Variants in SAMD14 observed in about 807,000 individuals in gnomAD.
The protein encoded by SAMD14 is sterile alpha motif domain-containing protein 14.
A neutral mutation model predicts 46.2 loss-of-function variants in SAMD14; 27 were observed. The ratio of observed to expected loss-of-function variants is 0.58; its 90% confidence interval spans 0.43 to 0.81. SAMD14 has a LOEUF of 0.81. Among genes scored for constraint, SAMD14 ranks in the 30% least tolerant of loss-of-function variants. The pLI is 0.00. For synonymous variants in SAMD14, 241 were observed against 254.3 expected, an observed-to-expected ratio of 0.95 and a Z score of 0.50; for missense variants, 559 against 582.2, an observed-to-expected ratio of 0.96 and a Z score of 0.41.
chr17:50,125,050 G>A, intron 1 of SAMD14, 79 bp from the exon 2 acceptor site: 2 of 1,334,594 alleles, frequency 1.5e-6, no homozygotes, highest in Non-Finnish European at 2.1e-6. Context: ...GAAGAGATGT[G>A]GAAGGCTACC....
At position 50,112,735 on chromosome 17, in the gene SAMD14, C is replaced by T; in HGVS notation, c.*158G>A. ...GTCTCCCTTTCTGGGGTCTCTGGGT[C>T]TAGACCAAGTGACAGGGTAAGAGAG... On this transcript the variant is annotated 3_prime_UTR_variant, in exon 10 of 10. Transcript: ENST00000330175. The T allele has an allele frequency of 1.2e-6, 1 of 851,672 alleles. No homozygotes were observed. Among genetic ancestry groups the T allele is most frequent in the Non-Finnish European group, 1.8e-6 (1 of 566,802 alleles). The allele number at this position is 851,672 out of a possible 1,614,324, so 52.8% of individuals were successfully genotyped here. A position where few individuals can be genotyped will look rare whatever the true frequency, so the allele number is the denominator to read the frequency against.
rs1567718169 is a variant in SAMD14, at chr17:50,114,273, TG to T, written c.855del (p.Ser286AlafsTer67). 2 of 1,613,852 alleles carry T rather than the reference TG, an allele frequency of 1.2e-6. No homozygotes were observed. The highest frequency in any genetic ancestry group is 1.7e-6 in the Non-Finnish European group (2 of 1,179,986). Reference sequence around the variant, plus strand: ...CCACTGGGGATCTTGGGGCTGCTGCTGGGGGGCGTGGAGTCATCACTCAGAG... The same window carrying T: ...CCACTGGGGATCTTGGGGCTGCTGCTGGGGGCGTGGAGTCATCACTCAGAG... ...ESTLSDDSTP[P>X]SSSPKIPSGP... is the part of the protein sequence containing the mutation. On this transcript the variant is annotated frameshift_variant, in exon 8 of 10. Coordinates refer to ENST00000330175, the MANE Select transcript of SAMD14 (RefSeq NM_001257359.2). LOFTEE classifies it high-confidence loss of function.
Position 50,124,771 on chromosome 17 carries a change from G to GCACGCGCA in SAMD14, c.43+145_43+146insTGCGCGTG, listed in dbSNP as rs1555563138. The GCACGCGCA allele has an allele frequency of 7.0e-6, 4 of 569,596 alleles. No individual in the cohort carries two copies. The East Asian group carries it at 1.0e-4, about 15-fold the overall frequency. 35.3% of individuals were successfully genotyped at this position (569,596 alleles called of 1,614,324 possible). On this transcript the variant is annotated intron_variant, in intron 2 of 9. Coordinates refer to ENST00000330175, the MANE Select transcript of SAMD14 (RefSeq NM_001257359.2). ...TACCTGCACGCGTGCACGCGCGCGCGCACACACACACACACACACACACAC... is the reference window on the plus strand; with the variant it reads ...TACCTGCACGCGTGCACGCGCGCGCGCACGCGCACACACACACACACACACACACACAC...
At chr17:50,113,722 C>G (rs960729952) in intron 9 of SAMD14, 2 of 605,376 alleles carry the variant, frequency 3.3e-6, no homozygotes, top group African/African-American at 1.9e-5. Flanking sequence ...TCAAGTCAAA[C>G]TAGGGATTCA....
intron 2 of SAMD14, among the ~76,000 whole-genome samples, 159 bp downstream of exon 2, chr17:50,124,756 CGT>C (rs375470493): frequency 1.0e-5 from 1 of 98,558 alleles, no homozygotes; most frequent in African/African-American, 4.4e-5. Flanking sequence ...TACCTGCACG[CGT>C]GCACGCGCGC....
intron 2 of SAMD14, among the ~76,000 whole-genome samples, chr17:50,119,761 A>G (rs1352025851): frequency 6.6e-6 from 1 of 152,140 alleles, no homozygotes; most frequent in East Asian, 1.9e-4. Context: ...TCTCAGCCCC[A>G]GACCCAGTTG....
chr17:50,123,360 C>T (rs1258612488), intron 2 of SAMD14, among the ~76,000 whole-genome samples: 2 of 152,318 alleles, frequency 1.3e-5, no homozygotes. Context: ...GACAGGAGGA[C>T]ACCTTTGGCC....
chr17:50,124,761 A>G (rs865865733), intron 2 of SAMD14, among the ~76,000 whole-genome samples, 156 bp downstream of exon 2: 4 of 108,144 alleles, frequency 3.7e-5, no homozygotes, highest in East Asian at 2.5e-4. Context: ...GCACGCGTGC[A>G]CGCGCGCGCG....
chr17:50,116,297 C>T (rs1911195229), intron 4 of SAMD14: 1 of 674,408 alleles, frequency 1.5e-6, no homozygotes, highest in Non-Finnish European at 2.4e-6. Context: ...CATCTACCTG[C>T]TTCATGGGAC....
chr17:50,115,584 G>A lies in SAMD14; in HGVS notation c.802C>T (p.Pro268Ser). Residue 268 changes from proline (P) to serine (S), a missense_variant, in exon 7 of 10, where the codon CCT becomes TCT. Coordinates refer to ENST00000330175, the MANE Select transcript of SAMD14 (RefSeq NM_001257359.2). This position sits in a 1 kb window ranked among gnomAD's most constrained non-coding sequence, Gnocchi z 5.3. ...TCSPKHEGFSPKKSASQESTL... is the reference protein window; with the variant it reads ...TCSPKHEGFSSKKSASQESTL... The stretch of plus-strand genomic sequence containing the variant: ...CTTACCTGGGAAGCTGACTTCTTAG[G>A]GCTGAAGCCCTCGTGTTTAGGGGAG... The A allele has an allele frequency of 1.3e-6, 2 of 1,564,446 alleles. No homozygotes were observed.
intron 2 of SAMD14, among the ~76,000 whole-genome samples, chr17:50,122,363 CATGGACTAGT>C (rs1911541464): frequency 1.3e-5 from 2 of 152,282 alleles, no homozygotes; most frequent in South Asian, 4.1e-4. Context: ...GTCACACTTC[CATGGACTAGT>C]GCATGCTTTG....
chr17:50,128,336 G>A (rs917147325), intron 1 of SAMD14, among the ~76,000 whole-genome samples: 2 of 151,920 alleles, frequency 1.3e-5, no homozygotes, highest in African/African-American at 4.8e-5. Flanking sequence ...AACTTTCTGG[G>A]GTGTGTAGGG....
intron 1 of SAMD14, 141 bp from the exon 2 acceptor site, chr17:50,125,112 C>G: frequency 1.4e-6 from 1 of 713,322 alleles, no homozygotes; most frequent in Non-Finnish European, 2.4e-6. Context: ...TCTTCTGTCC[C>G]CTGGAAGAGA....
intron 2 of SAMD14, among the ~76,000 whole-genome samples, chr17:50,122,759 A>G (rs1381983449): frequency 6.6e-6 from 1 of 152,166 alleles, no homozygotes; most frequent in African/African-American, 2.4e-5. Flanking sequence ...CCGAGGTTGC[A>G]GAAGGAACAA....
rs1023994347 is a variant in SAMD14 at position 50,118,242 on chromosome 17, T to A, written c.129A>T (p.Arg43Ser). 5 of 1,613,822 alleles carry A rather than the reference T, an allele frequency of 3.1e-6. No homozygotes were observed. The highest frequency in any genetic ancestry group is 4.2e-6 in the Non-Finnish European group (5 of 1,179,884). Residue 43 changes from arginine to serine, a missense_variant, in exon 3 of 10, where the codon AGA becomes AGT. By Grantham distance (110) the Arg-to-Ser change is moderately radical. Transcript: ENST00000330175. ...GAAGCCTGGAGCGGGATGGCCGGTGTCTCCGGCCCTTGGCCAACAGTTGGG... is the reference window on the plus strand; with the variant it reads ...GAAGCCTGGAGCGGGATGGCCGGTGACTCCGGCCCTTGGCCAACAGTTGGG... The part of the protein sequence containing the change: ...ARAQLLAKGR[R>S]HRPSRSRLRD...
In SAMD14 at chr17:50,129,031, G is replaced by A. The variant is rs1911910270; in HGVS notation, c.-13+486C>T. On this transcript the variant is annotated intron_variant, in intron 1 of 9. Coordinates refer to ENST00000330175, the MANE Select transcript of SAMD14 (RefSeq NM_001257359.2). This position sits in a 1 kb window ranked among gnomAD's most constrained non-coding sequence, Gnocchi z 5.6. ...TAGCGGTCGGGGAGGCAGTTGTGGA[G>A]CCAGAGAGGTGGTCCCCCCTTCCCA... Among the ~76,000 whole-genome samples, 1 of 152,214 alleles carries A rather than the reference G, an allele frequency of 6.6e-6. No individual in the cohort carries two copies. The highest frequency in any genetic ancestry group is 2.4e-5 in the African/African-American group (1 of 41,456).
At chr17:50,113,860 T>C (rs1911013032) in intron 9 of SAMD14, 64 bp downstream of exon 9, 1 of 1,599,324 alleles carries the variant, frequency 6.3e-7, no homozygotes, top group South Asian at 1.1e-5. Flanking sequence ...GATGAGGGAC[T>C]TCAAATCCTT....
At chr17:50,128,777 T>C (rs1249050966) in intron 1 of SAMD14, among the ~76,000 whole-genome samples, 1 of 151,780 alleles carries the variant, frequency 6.6e-6, no homozygotes, top group African/African-American at 2.4e-5. Context: ...ACACACAAAC[T>C]GGCGGAGAGT....
chr17:50,114,031 C>T lies in SAMD14; in HGVS notation c.991G>A (p.Val331Met). The T allele has an allele frequency of 6.2e-7, 1 of 1,613,728 alleles. No individual in the cohort carries two copies. Among genetic ancestry groups the T allele is most frequent in the Non-Finnish European group, 8.5e-7 (1 of 1,180,032 alleles). The change falls in exon 9 of 10, where the codon GTG becomes ATG. Residue 331 changes from valine to methionine, a missense_variant. By Grantham distance (21) the Val-to-Met change is conservative. Transcript: ENST00000330175. The stretch of plus-strand genomic sequence containing the variant: ...TTGAGGCTCTGCAGCCACTGGCCCA[C>T]CTGCTGGCTGGTCCAGTGGTGGACA... ...PPVHHWTSQQ[V>M]GQWLQSLNLE... is the part of the protein sequence containing the mutation.
Sources: gnomAD v4.1 joint callset for allele counts (sites outside exome capture counted in the v4.1 genomes callset) on GRCh38, gnomAD v4.1.1 for gene constraint, Gnocchi (gnomAD v3.1) non-coding constraint, MANE v1.5 for transcripts, NCBI Gene and HGNC (gene_info 2026-07-23, HGNC 2026-07-21) for gene names.